TTLL7: variants seen among roughly 807,000 people sequenced by gnomAD.
The protein encoded by TTLL7 is tubulin tyrosine ligase like 7, also known as tubulin polyglutamylase TTLL7.
In TTLL7, 53 loss-of-function variants were observed where a neutral mutation model predicts 120.2. The observed-to-expected ratio is 0.44, with a 90% CI of 0.35 to 0.55. The LOEUF is 0.55. TTLL7 is among the 20% of genes least tolerant of loss of function. The pLI is 0.00. For synonymous variants in TTLL7, 353 were observed against 351.7 expected (o/e 1.00, Z -0.04); for missense variants, 803 against 1,054.7 (o/e 0.76, Z 3.31).
intron 18 of TTLL7, among the ~76,000 whole-genome samples, chr1:83,903,800 A>G (rs188981354): frequency 1.2e-3 from 182 of 152,174 alleles, no homozygotes; most frequent in African/African-American, 4.1e-3. Context: ...CAGACATAGA[A>G]GGCTGACTGT....
At chr1:83,923,417 A>G (rs1214409402) in intron 10 of TTLL7, among the ~76,000 whole-genome samples, 1 of 152,056 alleles carries the variant, frequency 6.6e-6, no homozygotes, top group East Asian at 1.9e-4. Flanking sequence ...GAGGAGATGA[A>G]AATAAAGAAA....
intron 6 of TTLL7, among the ~76,000 whole-genome samples, chr1:83,943,198 C>T (rs1431616866): frequency 2.0e-5 from 3 of 152,126 alleles, no homozygotes. Context: ...TCACTACTAT[C>T]TAGGTTGTCT....
intron 18 of TTLL7, among the ~76,000 whole-genome samples, chr1:83,893,333 A>G (rs1431495522): frequency 6.6e-6 from 1 of 152,054 alleles, no homozygotes; most frequent in East Asian, 1.9e-4. Flanking sequence ...CATGTACTTG[A>G]TACTTATGCA....
chr1:83,998,014 G>A (rs1653642749), intron 1 of TTLL7, among the ~76,000 whole-genome samples: 1 of 152,158 alleles, frequency 6.6e-6, no homozygotes, highest in Admixed American at 6.5e-5. Context: ...AAAGTTTACA[G>A]GTTGTTGTTG....
At chr1:83,888,907 A>ACCT (rs1655198076) in intron 19 of TTLL7, among the ~76,000 whole-genome samples, 1 of 152,080 alleles carries the variant, frequency 6.6e-6, no homozygotes, top group East Asian at 1.9e-4. Context: ...AAAAACTGGA[A>ACCT]ACAAAAATGC....
chr1:83,994,352 C>A (rs1653289629), intron 1 of TTLL7, among the ~76,000 whole-genome samples: 1 of 152,172 alleles, frequency 6.6e-6, no homozygotes, highest in African/African-American at 2.4e-5. Flanking sequence ...AATGGATTCC[C>A]AGCCTTGAAA....
At chr1:83,893,572 T>C (rs901124748) in intron 18 of TTLL7, among the ~76,000 whole-genome samples, 12 of 152,018 alleles carry the variant, frequency 7.9e-5, no homozygotes, top group Admixed American at 7.2e-4. Flanking sequence ...GACATAAACA[T>C]GAAGAATTGG....
intron 6 of TTLL7, among the ~76,000 whole-genome samples, chr1:83,944,194 G>A (rs971315015): frequency 6.6e-6 from 1 of 151,970 alleles, no homozygotes; most frequent in African/African-American, 2.4e-5. Context: ...CACATAACAG[G>A]AGTCTCAGAA....
intron 18 of TTLL7, chr1:83,900,257 T>TCAACTTTTAA (rs1348809645): frequency 8.9e-6 from 3 of 335,594 alleles, no homozygotes; most frequent in African/African-American, 6.7e-5. Context: ...ATTAAAAGAG[T>TCAACTTTTAA]CTAGAATGGA....
intron 14 of TTLL7, among the ~76,000 whole-genome samples, chr1:83,913,726 T>G (rs1657865938): frequency 6.6e-6 from 1 of 152,214 alleles, no homozygotes; most frequent in African/African-American, 2.4e-5. Flanking sequence ...TTTCAACAAA[T>G]ACATTGTTAG....
chr1:83,967,618 G>A (rs1189799791), intron 1 of TTLL7, among the ~76,000 whole-genome samples: 1 of 151,984 alleles, frequency 6.6e-6, no homozygotes, highest in Non-Finnish European at 1.5e-5. Flanking sequence ...AAGGCACTAA[G>A]GTTCCCAATT....
At chr1:83,896,946 C>T (rs1656274736) in intron 18 of TTLL7, among the ~76,000 whole-genome samples, 1 of 152,046 alleles carries the variant, frequency 6.6e-6, no homozygotes, top group African/African-American at 2.4e-5. Flanking sequence ...TGGCAGAAAG[C>T]TAAATTATGC....
At chr1:83,923,465 AAC>A (rs1489482885) in intron 10 of TTLL7, among the ~76,000 whole-genome samples, 11 of 152,088 alleles carry the variant, frequency 7.2e-5, no homozygotes, top group East Asian at 3.8e-4. Context: ...GAAAAAAATA[AAC>A]ACAGATCTAT....
chr1:83,956,484 A>G (rs970491036), intron 1 of TTLL7, among the ~76,000 whole-genome samples: 5 of 149,944 alleles, frequency 3.3e-5, no homozygotes, highest in Non-Finnish European at 7.4e-5. Flanking sequence ...CTGGAGTGCA[A>G]TGGCACAATC....
At chr1:83,929,306 T>C in intron 9 of TTLL7, 76 bp from the exon 10 acceptor site, 3 of 1,105,898 alleles carry the variant, frequency 2.7e-6, no homozygotes, top group Non-Finnish European at 4.0e-6. Context: ...ATGTGGGATC[T>C]CTAGCCAGTA....
rs760061512 is a variant in TTLL7 at position 83,870,094 on chromosome 1, G to T, written c.2544-12C>A. On this transcript the variant is annotated splice_polypyrimidine_tract_variant and intron_variant, in intron 20 of 20. Coordinates refer to ENST00000260505, the MANE Select transcript of TTLL7 (RefSeq NM_024686.6). The stretch of plus-strand genomic sequence containing the variant: ...CTGGTAGTAAATACCTAAAAATGAT[G>T]GTTAACAAATTAGATTTTTACAAGC... 6.5e-7 allele frequency: 1 copy of T among 1,532,140 alleles called. No individual in the cohort carries two copies. The highest frequency in any genetic ancestry group is 8.7e-7 in the Non-Finnish European group (1 of 1,148,232). 94.9% of individuals were successfully genotyped at this position (1,532,140 alleles called of 1,614,324 possible). A position where few individuals can be genotyped will look rare whatever the true frequency, so the allele number is the denominator to read the frequency against.
At chr1:83,942,421 G>T in intron 7 of TTLL7, 42 bp downstream of exon 7, 1 of 1,515,856 alleles carries the variant, frequency 6.6e-7, no homozygotes, top group South Asian at 1.1e-5. Flanking sequence ...AGTATATGTT[G>T]ACAAATGAAT....
Position 83,987,393 on chromosome 1 carries a change from C to T in TTLL7, c.-177+11538G>A, listed in dbSNP as rs149514324. 7.2e-3 allele frequency among the ~76,000 whole-genome samples: 1,100 copies of T among 152,162 alleles called. 20 individuals are homozygous for T. Among genetic ancestry groups the T allele is most frequent in the African/African-American group, 0.025 (1,051 of 41,520 alleles). ...ATGATGGCAATTCTCCCTAAATCAACGTATAGGTTTAACACAATTTCAATT... is the reference window on the plus strand; with the variant it reads ...ATGATGGCAATTCTCCCTAAATCAATGTATAGGTTTAACACAATTTCAATT... On this transcript the variant is annotated intron_variant, in intron 1 of 20. Coordinates refer to ENST00000260505, the MANE Select transcript of TTLL7 (RefSeq NM_024686.6).
intron 9 of TTLL7, among the ~76,000 whole-genome samples, chr1:83,932,288 G>A (rs954168232): frequency 6.6e-6 from 1 of 152,098 alleles, no homozygotes; most frequent in African/African-American, 2.4e-5. Context: ...AGGGGCAGAA[G>A]ACAATATAGC....
Sources: gnomAD v4.1 joint callset for allele counts (sites outside exome capture counted in the v4.1 genomes callset) on GRCh38, gnomAD v4.1.1 for gene constraint, MANE v1.5 for transcripts, NCBI Gene and HGNC (gene_info 2026-07-23, HGNC 2026-07-21) for gene names.